IGFL2: variants seen among roughly 807,000 people sequenced by gnomAD.
IGFL2 encodes the protein insulin growth factor-like family member 2.
Under a neutral mutation model 13.9 loss-of-function variants are expected in IGFL2, and 7 were observed. The ratio of observed to expected loss-of-function variants is 0.51; its 90% CI spans 0.29 to 0.95. The LOEUF is 0.95. IGFL2 is among the 40% of genes least tolerant of loss of function. The pLI is 0.08. For missense variants in IGFL2, 138 were observed against 147.8 expected (o/e 0.93, Z 0.34); for synonymous variants, 55 against 55.8 (o/e 0.99, Z 0.07).
chr19:46,133,400 G>A, the IGFL2 span, among the ~76,000 whole-genome samples: 1 of 152,256 alleles, frequency 6.6e-6, no homozygotes, highest in African/African-American at 2.4e-5. Context: ...TCCGTTGGCT[G>A]GAATGGGACC....
chr19:46,122,044 T>A, the IGFL2 span, among the ~76,000 whole-genome samples: 638 of 151,310 alleles, frequency 4.2e-3, 40 homozygotes, highest in African/African-American at 0.014. Flanking sequence ...TGCTGTGATA[T>A]AGCTAATGTT....
At chr19:46,093,781 A>G in the IGFL2 span, among the ~76,000 whole-genome samples, 1 of 152,220 alleles carries the variant, frequency 6.6e-6, no homozygotes, top group East Asian at 1.9e-4. Context: ...TGAATTGTTC[A>G]CTGTCTGTCT....
chr19:46,166,731 G>A, the IGFL2 span, among the ~76,000 whole-genome samples: 1 of 152,026 alleles, frequency 6.6e-6, no homozygotes, highest in Non-Finnish European at 1.5e-5. Context: ...CTCTTTCTCA[G>A]GGACGTTCCA....
chr19:46,124,993 A>G, the IGFL2 span, among the ~76,000 whole-genome samples: 1 of 141,230 alleles, frequency 7.1e-6, no homozygotes, highest in African/African-American at 2.8e-5. Context: ...TCAAGCTCCG[A>G]CATTGAGGAG....
chr19:46,194,592 G>A, the IGFL2 span, among the ~76,000 whole-genome samples: 2 of 151,996 alleles, frequency 1.3e-5, no homozygotes, highest in South Asian at 2.1e-4. Context: ...GAGGCCGGGG[G>A]AGGTGGGTCA....
At chr19:46,152,366 T>C (rs575375714) in intron 1 of IGFL2, among the ~76,000 whole-genome samples, 48 of 151,962 alleles carry the variant, frequency 3.2e-4, no homozygotes, top group South Asian at 8.4e-4. Flanking sequence ...AGCTTCGAAC[T>C]CCTGGGCTCA....
At chr19:46,175,321 A>G in the IGFL2 span, among the ~76,000 whole-genome samples, 1 of 152,192 alleles carries the variant, frequency 6.6e-6, no homozygotes, top group African/African-American at 2.4e-5. Flanking sequence ...CAGCTGACTC[A>G]GGACTACAAA....
chr19:46,208,439 T>C, the IGFL2 span: 1 of 152,152 alleles, frequency 6.6e-6, no homozygotes, highest in Non-Finnish European at 1.5e-5. Flanking sequence ...AGGCCAGGGC[T>C]GTCCTGGGCA....
At chr19:46,128,629 T>A in the IGFL2 span, among the ~76,000 whole-genome samples, 1 of 152,234 alleles carries the variant, frequency 6.6e-6, no homozygotes, top group Non-Finnish European at 1.5e-5. Flanking sequence ...TTAGTTCTGT[T>A]TCTGCAATGA....
chr19:46,100,703 C>T, the IGFL2 span, among the ~76,000 whole-genome samples: 263 of 152,264 alleles, frequency 1.7e-3, no homozygotes, highest in African/African-American at 6.0e-3. Flanking sequence ...TGTAGCTTTT[C>T]ATCTTGTAGC....
At chr19:46,193,250 C>T in the IGFL2 span, among the ~76,000 whole-genome samples, 1 of 152,026 alleles carries the variant, frequency 6.6e-6, no homozygotes, top group African/African-American at 2.4e-5. Context: ...TTTAAAGTTG[C>T]GTGTCACACT....
At chr19:46,211,881 G>A in the IGFL2 span, among the ~76,000 whole-genome samples, 3 of 151,982 alleles carry the variant, frequency 2.0e-5, no homozygotes, top group Admixed American at 6.6e-5. Flanking sequence ...TGAGGACTTG[G>A]CATTTCCTGC....
At chr19:46,150,817 G>A (rs10425260) in intron 1 of IGFL2, among the ~76,000 whole-genome samples, 3,951 of 151,956 alleles carry the variant, frequency 0.026, 172 homozygotes, top group African/African-American at 0.089. Flanking sequence ...CCACAGGCAC[G>A]CACCACCACA....
the IGFL2 span, chr19:46,124,018 C>T: frequency 6.2e-7 from 1 of 1,611,476 alleles, no homozygotes; most frequent in South Asian, 1.1e-5. Flanking sequence ...CCAGAAGGTG[C>T]AGGTGGAGCC....
chr19:46,107,456 A>G, the IGFL2 span, among the ~76,000 whole-genome samples: 2 of 152,212 alleles, frequency 1.3e-5, no homozygotes, highest in Non-Finnish European at 2.9e-5. Context: ...CTTAGGAGGA[A>G]TCCCAGGCTG....
chr19:46,182,615 C>T, the IGFL2 span, among the ~76,000 whole-genome samples: 1 of 152,102 alleles, frequency 6.6e-6, no homozygotes, highest in Admixed American at 6.6e-5. Context: ...CCATCCGTTC[C>T]GTGCACTGAA....
chr19:46,081,078 G>A, the IGFL2 span, among the ~76,000 whole-genome samples: 6 of 152,248 alleles, frequency 3.9e-5, no homozygotes, highest in Non-Finnish European at 7.4e-5. Context: ...TGTCTGTGTC[G>A]CCAGGCTTCC....
At chr19:46,196,962 G>C in the IGFL2 span, 1 of 203,476 alleles carries the variant, frequency 4.9e-6, no homozygotes, top group Admixed American at 4.5e-5. Context: ...TGGCTCCCAG[G>C]AGATCCCAGG....
the IGFL2 span, among the ~76,000 whole-genome samples, chr19:46,092,261 G>A: frequency 1.3e-5 from 2 of 152,124 alleles, no homozygotes; most frequent in Non-Finnish European, 2.9e-5. Context: ...CTGGGCTCAA[G>A]CGATTCTTCT....
Sources: allele counts gnomAD v4.1 joint callset (sites outside exome capture counted in the v4.1 genomes callset), GRCh38; gene constraint gnomAD v4.1.1; transcripts MANE v1.5; gene names NCBI Gene and HGNC (gene_info 2026-07-23, HGNC 2026-07-21).